Variants in CAST observed in about 807,000 individuals in gnomAD.
The protein encoded by CAST is MIR583 host.
A neutral mutation model predicts 119.6 loss-of-function variants in CAST; 76 were observed. That is an observed-to-expected ratio of 0.64 (90% CI 0.53 to 0.77). CAST has a LOEUF of 0.77. Among genes scored for constraint, CAST ranks in the 30% least tolerant of loss-of-function variants. CAST has a pLI of 0.00. For synonymous variants in CAST, 319 were observed against 331.6 expected (o/e 0.96, Z 0.41); for missense variants, 953 against 946.5 (o/e 1.01, Z -0.09).
the CAST span, among the ~76,000 whole-genome samples, chr5:96,445,285 C>T: frequency 2.6e-5 from 4 of 152,272 alleles, no homozygotes; most frequent in South Asian, 2.1e-4. Flanking sequence ...TTCTGAGGTA[C>T]ACACACCATG....
chr5:96,140,932 CTG>C, the CAST span, among the ~76,000 whole-genome samples: 1 of 152,176 alleles, frequency 6.6e-6, no homozygotes, highest in Non-Finnish European at 1.5e-5. Flanking sequence ...CACCATTACA[CTG>C]TGTCTTTTTG....
At chr5:96,171,590 C>T in the CAST span, among the ~76,000 whole-genome samples, 13 of 152,222 alleles carry the variant, frequency 8.5e-5, no homozygotes, top group East Asian at 3.9e-4. Flanking sequence ...TAATTAAACA[C>T]CAAGGGAAGA....
At chr5:96,245,842 C>G in the CAST span, among the ~76,000 whole-genome samples, 3 of 152,130 alleles carry the variant, frequency 2.0e-5, no homozygotes, top group African/African-American at 7.2e-5. Flanking sequence ...CTTGTTCTGT[C>G]TTAATGTCTT....
chr5:96,139,035 A>G, the CAST span, among the ~76,000 whole-genome samples: 1 of 152,010 alleles, frequency 6.6e-6, no homozygotes, highest in African/African-American at 2.4e-5. Flanking sequence ...ATTTTCACCT[A>G]TATGTATGAA....
At chr5:96,119,695 CAG>C in the CAST span, among the ~76,000 whole-genome samples, 1 of 152,172 alleles carries the variant, frequency 6.6e-6, no homozygotes, top group Non-Finnish European at 1.5e-5. Context: ...TGTTTATAGT[CAG>C]AATGTCACAA....
chr5:96,452,677 G>T, the CAST span, among the ~76,000 whole-genome samples: 1 of 141,468 alleles, frequency 7.1e-6, no homozygotes, highest in Non-Finnish European at 1.5e-5. Context: ...GAGGCCGGGC[G>T]CGGTGGCTCA....
the CAST span, among the ~76,000 whole-genome samples, chr5:96,400,853 C>A: frequency 1.3e-5 from 2 of 150,516 alleles, no homozygotes; most frequent in African/African-American, 2.4e-5. Flanking sequence ...TTTGGGAGGC[C>A]GAGGCGGGCG....
In CAST at chr5:96,549,909, G is replaced by C. The variant is rs1746094067; in HGVS notation, c.60+20029G>C. Among the ~76,000 whole-genome samples, 3 of 152,264 alleles carry C rather than the reference G, an allele frequency of 2.0e-5. No individual in the cohort carries two copies. In the South Asian group the frequency reaches 6.2e-4, roughly 31 times the overall value. On this transcript the variant is annotated intron_variant, in intron 1 of 11. Transcript: ENST00000505143. ...TGTAAACAAAGCTGCAGGGAAGCTTGAACTGGGCAGAGCCCACTGTAGCTT... is the reference window on the plus strand; with the variant it reads ...TGTAAACAAAGCTGCAGGGAAGCTTCAACTGGGCAGAGCCCACTGTAGCTT...
the CAST span, among the ~76,000 whole-genome samples, chr5:96,517,805 C>T: frequency 3.9e-5 from 6 of 152,200 alleles, no homozygotes; most frequent in South Asian, 2.1e-4. Flanking sequence ...TTGGCATCTA[C>T]CATTGTTATA....
At chr5:96,397,726 A>G in the CAST span, among the ~76,000 whole-genome samples, 4 of 152,326 alleles carry the variant, frequency 2.6e-5, no homozygotes, top group South Asian at 6.2e-4. Context: ...ATAATGAATG[A>G]ATGAATGAAA....
chr5:96,378,969 C>T, the CAST span, among the ~76,000 whole-genome samples: 1 of 152,038 alleles, frequency 6.6e-6, no homozygotes, highest in Admixed American at 6.6e-5. Context: ...TATTATAAAA[C>T]TTTCGAATTC....
intron 1 of CAST, among the ~76,000 whole-genome samples, chr5:96,586,730 A>G (rs1746867987): frequency 1.3e-5 from 2 of 152,268 alleles, no homozygotes; most frequent in African/African-American, 4.8e-5. Flanking sequence ...AACTGCTGGT[A>G]CAAAGTAAAA....
chr5:96,297,095 C>T, the CAST span, among the ~76,000 whole-genome samples: 1 of 152,120 alleles, frequency 6.6e-6, no homozygotes, highest in Non-Finnish European at 1.5e-5. Context: ...GATTTTAATG[C>T]ACAAGATAGA....
At chr5:96,616,629 C>G (rs1400075318) in intron 1 of CAST, among the ~76,000 whole-genome samples, 1 of 152,076 alleles carries the variant, frequency 6.6e-6, no homozygotes, top group African/African-American at 2.4e-5. Flanking sequence ...CAGGGTACTT[C>G]TCCAAAATCA....
At chr5:96,366,680 A>G in the CAST span, among the ~76,000 whole-genome samples, 1 of 152,184 alleles carries the variant, frequency 6.6e-6, no homozygotes, top group Non-Finnish European at 1.5e-5. Context: ...CAGCTCCATC[A>G]GGTCATTTAA....
At chr5:96,481,645 A>G in the CAST span, among the ~76,000 whole-genome samples, 1 of 152,208 alleles carries the variant, frequency 6.6e-6, no homozygotes. Flanking sequence ...GAAAATCTGT[A>G]TAAGACATTT....
chr5:96,717,578 A>G (rs1414136244), intron 3 of CAST, among the ~76,000 whole-genome samples: 1 of 152,218 alleles, frequency 6.6e-6, no homozygotes, highest in Admixed American at 6.5e-5. Context: ...TTTACATATG[A>G]GGAAACTGAG....
At chr5:96,407,638 A>C in the CAST span, among the ~76,000 whole-genome samples, 12 of 152,354 alleles carry the variant, frequency 7.9e-5, no homozygotes, top group South Asian at 2.5e-3. Context: ...ACTAATATTT[A>C]CTGACAATGG....
chr5:96,302,918 C>G, the CAST span, among the ~76,000 whole-genome samples: 1 of 152,196 alleles, frequency 6.6e-6, no homozygotes, highest in East Asian at 1.9e-4. Context: ...TTACCCACTT[C>G]CAAAGTCACT....
Sources: gnomAD v4.1 joint callset for allele counts (sites outside exome capture counted in the v4.1 genomes callset) on GRCh38, gnomAD v4.1.1 for gene constraint, MANE v1.5 for transcripts, NCBI Gene and HGNC (gene_info 2026-07-23, HGNC 2026-07-21) for gene names.